LCORL: variants seen among roughly 807,000 people sequenced by gnomAD.
LCORL encodes the protein ligand dependent nuclear receptor corepressor like, also known as ligand-dependent nuclear receptor corepressor-like protein.
In LCORL, 41 loss-of-function variants were observed where a neutral mutation model predicts 141.8. The ratio of observed to expected loss-of-function variants is 0.29; its 90% CI spans 0.23 to 0.38. The LOEUF (loss-of-function observed/expected upper bound fraction) is 0.38, where lower values mean the gene tolerates loss of function less well. Ranked by LOEUF, LCORL falls within the 10% of genes least tolerant of loss-of-function variation. LCORL has a pLI of 1.00. For missense variants in LCORL, 1,759 were observed against 2,035.0 expected (o/e 0.86, Z 2.61); for synonymous variants, 618 against 694.1 (o/e 0.89, Z 1.72).
At chr4:17,872,164 A>T (rs1371917329) in intron 7 of LCORL, among the ~76,000 whole-genome samples, 1 of 152,058 alleles carries the variant, frequency 6.6e-6, no homozygotes, top group Non-Finnish European at 1.5e-5. Flanking sequence ...TAAATTTCCA[A>T]ATGTAAAATT....
At chr4:17,921,164 C>A (rs562598451) in intron 4 of LCORL, among the ~76,000 whole-genome samples, 1 of 152,024 alleles carries the variant, frequency 6.6e-6, no homozygotes, top group Non-Finnish European at 1.5e-5. Flanking sequence ...GCTGGGACTA[C>A]AGGCACACAC....
chr4:17,896,694 C>T (rs909524253), intron 5 of LCORL, among the ~76,000 whole-genome samples: 6 of 152,168 alleles, frequency 3.9e-5, no homozygotes, highest in African/African-American at 1.4e-4. Flanking sequence ...ACGGGGCATC[C>T]ATCACTTCAA....
intron 1 of LCORL, among the ~76,000 whole-genome samples, chr4:17,999,013 T>TATAC (rs1721454089): frequency 5.1e-5 from 2 of 38,866 alleles, no homozygotes; most frequent in African/African-American, 1.1e-4. Flanking sequence ...TACACACATA[T>TATAC]ATATATATAT....
At chr4:17,915,668 T>C (rs970245292) in intron 4 of LCORL, among the ~76,000 whole-genome samples, 1 of 152,182 alleles carries the variant, frequency 6.6e-6, no homozygotes, top group South Asian at 2.1e-4. Context: ...ACTGGAATTA[T>C]GTAATGGGAG....
intron 1 of LCORL, among the ~76,000 whole-genome samples, chr4:18,019,676 CAAG>C (rs1053032743): frequency 8.9e-5 from 12 of 134,598 alleles, no homozygotes; most frequent in Admixed American, 2.3e-4. Context: ...TCTAAATAAG[CAAG>C]AAGACCAGAA....
chr4:17,887,297 A>ACAACACCACAAC (rs915483909), intron 5 of LCORL, among the ~76,000 whole-genome samples: 3 of 152,100 alleles, frequency 2.0e-5, no homozygotes, highest in African/African-American at 7.2e-5. Context: ...GATAATTCAT[A>ACAACACCACAAC]CAACACCACA....
At chr4:17,848,987 C>T (rs1487167616) in intron 7 of LCORL, among the ~76,000 whole-genome samples, 1 of 152,368 alleles carries the variant, frequency 6.6e-6, no homozygotes, top group Non-Finnish European at 1.5e-5. Context: ...GAGGGGCGCC[C>T]ACCATTGCCC....
At chr4:17,991,919 G>T (rs996795103) in intron 1 of LCORL, among the ~76,000 whole-genome samples, 2 of 152,132 alleles carry the variant, frequency 1.3e-5, no homozygotes, top group Non-Finnish European at 2.9e-5. Flanking sequence ...TGAAATTAAT[G>T]ATTACGGAAG....
chr4:17,878,163 TTTC>T (rs1727111691), exon 7 of LCORL: 4 of 1,230,022 alleles, frequency 3.3e-6, no homozygotes, highest in Admixed American at 4.2e-5. Context: ...TAATGCTGAT[TTTC>T]TTTTTTCCAT....
chr4:17,947,687 T>G (rs944160089), intron 4 of LCORL, among the ~76,000 whole-genome samples: 1 of 151,954 alleles, frequency 6.6e-6, no homozygotes, highest in Non-Finnish European at 1.5e-5. Context: ...AATTGTCAAT[T>G]TACAATAAGA....
chr4:17,886,630 T>C (rs1728305380), intron 5 of LCORL, among the ~76,000 whole-genome samples: 1 of 152,082 alleles, frequency 6.6e-6, no homozygotes, highest in African/African-American at 2.4e-5. Flanking sequence ...AAACTGTGGC[T>C]GTACGTATAA....
intron 7 of LCORL, among the ~76,000 whole-genome samples, chr4:17,861,268 G>A (rs1260706506): frequency 1.3e-5 from 2 of 152,242 alleles, no homozygotes; most frequent in African/African-American, 2.4e-5. Flanking sequence ...AATCTAGGCA[G>A]AGGTTCCCAA....
At chr4:17,892,506 G>A (rs915613536) in intron 5 of LCORL, among the ~76,000 whole-genome samples, 3 of 152,000 alleles carry the variant, frequency 2.0e-5, no homozygotes, top group Non-Finnish European at 4.4e-5. Flanking sequence ...CACCATGCCC[G>A]GGCTCAAATA....
chr4:17,883,093 A>C, intron 6 of LCORL: 3 of 968,932 alleles, frequency 3.1e-6, no homozygotes, highest in Non-Finnish European at 3.7e-6. Context: ...TTAAATGATA[A>C]ATATTAAATT....
intron 2 of LCORL, among the ~76,000 whole-genome samples, chr4:17,968,524 T>A (rs970393236): frequency 5.3e-5 from 8 of 152,208 alleles, no homozygotes; most frequent in Non-Finnish European, 1.2e-4. Flanking sequence ...GTTGTCTCCA[T>A]CATAGTGTTA....
intron 1 of LCORL, among the ~76,000 whole-genome samples, chr4:17,990,917 G>T (rs1004136428): frequency 3.9e-5 from 6 of 152,210 alleles, no homozygotes; most frequent in African/African-American, 1.4e-4. Flanking sequence ...AAGGCATTTT[G>T]TATGGGGGCA....
exon 8 of LCORL, chr4:17,845,563 AAAAC>A: frequency 2.1e-6 from 1 of 481,964 alleles, no homozygotes; most frequent in Non-Finnish European, 3.5e-6. Flanking sequence ...ACATGTAAAA[AAAAC>A]ATATAAAGAA....
intron 1 of LCORL, among the ~76,000 whole-genome samples, chr4:17,975,528 C>G (rs1716776551): frequency 6.6e-6 from 1 of 151,990 alleles, no homozygotes; most frequent in South Asian, 2.1e-4. Context: ...TCCTGAGGAG[C>G]TAGGACTAAA....
intron 4 of LCORL, among the ~76,000 whole-genome samples, chr4:17,961,683 T>C (rs1398866302): frequency 1.3e-5 from 2 of 151,998 alleles, no homozygotes; most frequent in South Asian, 2.1e-4. Context: ...GTCAGAGAGA[T>C]ACTTGAAAAT....
Sources: gnomAD v4.1 joint callset for allele counts (sites outside exome capture counted in the v4.1 genomes callset) on GRCh38, gnomAD v4.1.1 for gene constraint, MANE v1.5 for transcripts, NCBI Gene and HGNC (gene_info 2026-07-23, HGNC 2026-07-21) for gene names.